EXTL3: variants seen among roughly 807,000 people sequenced by gnomAD.
EXTL3 encodes the protein exostosin-like 3.
EXTL3 carries 27 observed loss-of-function variants against 69.3 expected under a neutral mutation model. The observed-to-expected ratio is 0.39, with a 90% CI of 0.29 to 0.54. The LOEUF (loss-of-function observed/expected upper bound fraction) is 0.54, where lower values mean the gene tolerates loss of function less well. Ranked by LOEUF, EXTL3 falls within the 20% of genes least tolerant of loss-of-function variation. The probability of loss-of-function intolerance (pLI) is 0.69; values close to 1 mark genes in which losing one functional copy is unlikely to be tolerated. For synonymous variants in EXTL3, 511 were observed against 499.4 expected (o/e 1.02, Z -0.31); for missense variants, 1,003 against 1,231.8 (o/e 0.81, Z 2.78).
rs1037325742 is a variant in EXTL3, at chr8:28,623,562, C to G, written c.-53+752C>G. 3.9e-5 allele frequency among the ~76,000 whole-genome samples: 6 copies of G among 152,216 alleles called. No individual in the cohort carries two copies. The highest frequency in any genetic ancestry group is 1.3e-4 in the Admixed American group (2 of 15,278). ...AGTCTCACCCCTTGGTAAGCATGTCCTGTCCTGAAGGCTCCATGCTGAAAG... is the reference window on the plus strand; with the variant it reads ...AGTCTCACCCCTTGGTAAGCATGTCGTGTCCTGAAGGCTCCATGCTGAAAG... On this transcript the variant is annotated intron_variant, in intron 1 of 6. Coordinates refer to the EXTL3 transcript ENST00000523149. The surrounding 1 kb of genome is among the most constrained non-coding windows in gnomAD (Gnocchi z 4.2).
chr8:28,611,729 C>T (rs1398927111), intron 2 of EXTL3, among the ~76,000 whole-genome samples: 1 of 152,142 alleles, frequency 6.6e-6, no homozygotes, highest in Non-Finnish European at 1.5e-5. Context: ...CCACTTTGCT[C>T]CCTTGCCCAC....
At chr8:28,742,891 A>G (rs1414560550) in intron 5 of EXTL3, 195 bp from the exon 6 acceptor site, 1 of 643,232 alleles carries the variant, frequency 1.6e-6, no homozygotes, top group African/African-American at 1.8e-5. Context: ...TGGCAGTTTG[A>G]ATGGGATAAT....
At chr8:28,714,225 G>C (rs1801094352) in intron 2 of EXTL3, among the ~76,000 whole-genome samples, 1 of 151,970 alleles carries the variant, frequency 6.6e-6, no homozygotes, top group Non-Finnish European at 1.5e-5. Flanking sequence ...CTTGTCTTTA[G>C]AAATTGTTAT....
chr8:28,680,553 C>T (rs563359938), intron 1 of EXTL3, among the ~76,000 whole-genome samples: 1 of 151,924 alleles, frequency 6.6e-6, no homozygotes, highest in Non-Finnish European at 1.5e-5. Flanking sequence ...ACACATCCAT[C>T]ACCTCACATA....
intron 1 of EXTL3, among the ~76,000 whole-genome samples, chr8:28,681,907 GC>G (rs1378300648): frequency 1.3e-5 from 2 of 152,124 alleles, no homozygotes; most frequent in African/African-American, 4.8e-5. Flanking sequence ...TACAAAATTA[GC>G]CAGGCGTGGT....
chr8:28,671,469 A>T (rs913140723), intron 1 of EXTL3, among the ~76,000 whole-genome samples: 21 of 151,888 alleles, frequency 1.4e-4, no homozygotes, highest in Middle Eastern at 3.4e-3. Flanking sequence ...CCTCTGGAGT[A>T]GGTGAGATTA....
In EXTL3 at chr8:28,704,252, A is replaced by G. The variant is rs948447132; in HGVS notation, c.-570+2593A>G. Among the ~76,000 whole-genome samples the G allele has an allele frequency of 7.2e-5, 11 of 152,240 alleles. No individual in the cohort carries two copies. In the South Asian group the frequency reaches 1.0e-3, roughly 14 times the overall value. The stretch of plus-strand genomic sequence containing the variant: ...TCACATGCACCCAAATGACCCATCA[A>G]AAGTCTAGAAGTGGAGCCATAGGAA... On this transcript the variant is annotated intron_variant, in intron 1 of 6. Coordinates refer to ENST00000220562, the MANE Select transcript of EXTL3 (RefSeq NM_001440.4).
chr8:28,636,129 A>C (rs1187925113), intron 1 of EXTL3, among the ~76,000 whole-genome samples: 1 of 151,896 alleles, frequency 6.6e-6, no homozygotes, highest in Non-Finnish European at 1.5e-5. Flanking sequence ...TCAGGAGTTC[A>C]AGACCACCCT....
intron 1 of EXTL3, among the ~76,000 whole-genome samples, chr8:28,654,788 T>C (rs1353861674): frequency 1.3e-5 from 2 of 152,228 alleles, no homozygotes; most frequent in East Asian, 3.8e-4. Context: ...TTTGTTGTAA[T>C]TCTGCAAACA....
intron 1 of EXTL3, among the ~76,000 whole-genome samples, chr8:28,662,280 T>G (rs576836355): frequency 6.6e-6 from 1 of 152,290 alleles, no homozygotes; most frequent in Admixed American, 6.5e-5. Context: ...TCACATATAT[T>G]TTTATCCTTG....
chr8:28,672,880 T>A (rs966732257), intron 1 of EXTL3, among the ~76,000 whole-genome samples: 2 of 152,150 alleles, frequency 1.3e-5, no homozygotes, highest in African/African-American at 4.8e-5. Context: ...AGGGACCCGG[T>A]GGGAGGTAAT....
chr8:28,610,139 G>T (rs766794714), intron 2 of EXTL3, among the ~76,000 whole-genome samples: 104 of 152,142 alleles, frequency 6.8e-4, no homozygotes, highest in Non-Finnish European at 1.1e-3. Flanking sequence ...GGAGGTGGAG[G>T]TTGCAGTGAG....
intron 6 of EXTL3, 144 bp downstream of exon 6, chr8:28,743,358 T>C: frequency 1.0e-6 from 1 of 1,000,796 alleles, no homozygotes; most frequent in Non-Finnish European, 1.6e-6. Flanking sequence ...CAAAGGATTG[T>C]CTGTGAGCTT....
chr8:28,738,633 A>G (rs577442401), intron 5 of EXTL3, among the ~76,000 whole-genome samples: 54 of 152,138 alleles, frequency 3.5e-4, no homozygotes, highest in Non-Finnish European at 6.3e-4. Context: ...TGCCCACCAC[A>G]CAGAGCACCT....
chr8:28,610,682 GAA>G (rs1360713023), intron 2 of EXTL3, among the ~76,000 whole-genome samples: 20 of 151,878 alleles, frequency 1.3e-4, no homozygotes, highest in African/African-American at 4.1e-4. Context: ...GACAGATGAA[GAA>G]ATGGGCTCAG....
chr8:28,717,726 G>T lies in EXTL3; in HGVS notation c.1667G>T (p.Arg556Leu), dbSNP rs369743761. The T allele has an allele frequency of 7.4e-6, 12 of 1,614,132 alleles. No individual in the cohort carries two copies. The highest frequency in any genetic ancestry group is 9.3e-6 in the Non-Finnish European group (11 of 1,180,052). ...GAGGCGGCAGCTGAGATCCCCCACC[G>T]TTCAGGCAAGGCGGCTGGAACTGAC... is the stretch of plus-strand genomic sequence containing the variant. ...REEAAAEIPH[R>L]SGKAAGTDPN... Residue 556 changes from arginine to leucine, a missense_variant, in exon 3 of 7, where the codon CGT becomes CTT. Arg to Leu is a moderately radical substitution (Grantham distance 102, BLOSUM62 -2). Transcript: ENST00000220562. The surrounding 1 kb of genome is among the most constrained non-coding windows in gnomAD (Gnocchi z 8.3).
chr8:28,755,759 A>G, downstream of EXTL3, among the ~76,000 whole-genome samples: 1 of 152,202 alleles, frequency 6.6e-6, no homozygotes, highest in South Asian at 2.1e-4. Context: ...AAAAATAAAA[A>G]AAAAGTACAG....
intron 3 of EXTL3, among the ~76,000 whole-genome samples, chr8:28,725,402 T>A (rs1489036882): frequency 6.6e-6 from 1 of 151,954 alleles, no homozygotes; most frequent in Non-Finnish European, 1.5e-5. Flanking sequence ...GGTGGATGGG[T>A]TTTTTGCTAT....
chr8:28,626,197 A>T (rs1317217427), intron 1 of EXTL3, among the ~76,000 whole-genome samples: 1 of 151,836 alleles, frequency 6.6e-6, no homozygotes, highest in African/African-American at 2.4e-5. Context: ...TAAACTAAAA[A>T]AATTTTTTAA....
Sources: gnomAD v4.1 joint callset for allele counts (sites outside exome capture counted in the v4.1 genomes callset) on GRCh38, gnomAD v4.1.1 for gene constraint, Gnocchi (gnomAD v3.1) non-coding constraint, MANE v1.5 for transcripts, NCBI Gene and HGNC (gene_info 2026-07-23, HGNC 2026-07-21) for gene names.